ATP13A4: variants seen among roughly 807,000 people sequenced by gnomAD.
ATP13A4 encodes probable cation-transporting ATPase 13A4.
ATP13A4 carries 114 observed loss-of-function variants against 142.5 expected under a neutral mutation model. The ratio of observed to expected loss-of-function variants is 0.80; its 90% confidence interval spans 0.69 to 0.93. The LOEUF is 0.93. ATP13A4 is among the 40% of genes least tolerant of loss of function. ATP13A4 has a pLI of 0.00. For missense variants in ATP13A4, 1,392 were observed against 1,454.0 expected, an observed-to-expected ratio of 0.96 and a Z score of 0.69; for synonymous variants, 488 against 514.8, an observed-to-expected ratio of 0.95 and a Z score of 0.70.
chr3:193,475,090 T>C (rs909796859), intron 8 of ATP13A4, among the ~76,000 whole-genome samples: 2 of 152,082 alleles, frequency 1.3e-5, no homozygotes, highest in African/African-American at 4.8e-5. Context: ...ATTTTGGCAA[T>C]ATTTTTCTAG....
chr3:193,400,691 C>T lies in ATP13A4; in HGVS notation c.*1961G>A, dbSNP rs1214077338. Among the ~76,000 whole-genome samples the T allele has an allele frequency of 7.6e-6, 1 of 131,594 alleles. No individual in the cohort carries two copies. 86.3% of individuals were successfully genotyped at this position (131,594 alleles called of 152,430 possible). On this transcript the variant is annotated 3_prime_UTR_variant, in exon 30 of 30. Coordinates refer to ENST00000342695, the MANE Select transcript of ATP13A4 (RefSeq NM_032279.4). ...TCATCTGTATGGTGGAGATGATAAGCCCTTCCTTGTTCAGTCATGGGACAA... is the reference window on the plus strand; with the variant it reads ...TCATCTGTATGGTGGAGATGATAAGTCCTTCCTTGTTCAGTCATGGGACAA...
chr3:193,549,433 TAGAGAG>T (rs374646368), intron 1 of ATP13A4, among the ~76,000 whole-genome samples: 3,996 of 136,702 alleles, frequency 0.029, 58 homozygotes, highest in East Asian at 0.033. Context: ...TATATATATA[TAGAGAG>T]AGAGAGAGAG....
intron 18 of ATP13A4, among the ~76,000 whole-genome samples, chr3:193,447,184 A>G (rs1168011205): frequency 2.6e-5 from 4 of 152,208 alleles, no homozygotes; most frequent in Non-Finnish European, 5.9e-5. Flanking sequence ...AGAATGTGTC[A>G]TCTAAGTGCT....
At position 193,537,862 on chromosome 3, in the gene ATP13A4, C is replaced by G. The variant is rs145169740; in HGVS notation, c.60+16878G>C. ...AAAAGCCAGTGTTAAAGGTTACGTC[C>G]TATATAATTACATTCATGCAACATT... On this transcript the variant is annotated intron_variant, in intron 1 of 29. Coordinates refer to ENST00000342695, the MANE Select transcript of ATP13A4 (RefSeq NM_032279.4). Among the ~76,000 whole-genome samples the G allele has an allele frequency of 9.9e-5, 15 of 152,166 alleles. No homozygotes were observed. The East Asian group carries it at 2.5e-3, about 25-fold the overall frequency.
intron 1 of ATP13A4, among the ~76,000 whole-genome samples, chr3:193,586,725 C>T (rs554732038): frequency 2.0e-5 from 3 of 152,278 alleles, no homozygotes; most frequent in South Asian, 4.1e-4. Context: ...ATCTATTTGG[C>T]CTTATGCCAA....
intron 8 of ATP13A4, among the ~76,000 whole-genome samples, chr3:193,474,383 A>C (rs1358677739): frequency 5.3e-5 from 8 of 150,034 alleles, no homozygotes; most frequent in Non-Finnish European, 1.0e-4. Flanking sequence ...AGTAGACCCC[A>C]TCTGTACAAA....
chr3:193,439,128 A>C, intron 21 of ATP13A4, 63 bp from the exon 22 acceptor site: 1 of 1,490,750 alleles, frequency 6.7e-7, no homozygotes, highest in Non-Finnish European at 9.4e-7. Context: ...TCTCTAATTA[A>C]AAAAACAAAG....
At chr3:193,573,308 C>CTTATATATATATATATGTGTAT (rs1229145689) in intron 2 of ATP13A4, among the ~76,000 whole-genome samples, 1 of 103,674 alleles carries the variant, frequency 9.6e-6, no homozygotes, top group Non-Finnish European at 1.8e-5. Context: ...TATATATATA[C>CTTATATATATATATATGTGTAT]ATATATATAT....
chr3:193,446,246 T>G (rs1276087053), intron 18 of ATP13A4, among the ~76,000 whole-genome samples: 1 of 152,150 alleles, frequency 6.6e-6, no homozygotes, highest in Non-Finnish European at 1.5e-5. Context: ...ACAATGGAAC[T>G]ACCAGAAGTA....
rs377718701 is a variant in ATP13A4, at chr3:193,441,436, T to C, written c.2439+30A>G. 15 of 1,612,702 alleles carry C rather than the reference T, an allele frequency of 9.3e-6. No individual in the cohort carries two copies. The African/African-American group carries it at 9.3e-5, about 10-fold the overall frequency. On this transcript the variant is annotated intron_variant, in intron 20 of 29. Transcript: ENST00000342695. ...GTAAGTGACATCATCAGCATTTTCA[T>C]AGGGAGATTGTCACCCTCTTAGAAC...
At chr3:193,422,718 T>C (rs1715469204) in intron 25 of ATP13A4, among the ~76,000 whole-genome samples, 2 of 149,622 alleles carry the variant, frequency 1.3e-5, no homozygotes, top group Non-Finnish European at 3.0e-5. Flanking sequence ...ACCTTTGGGA[T>C]ACAGCAAAAG....
At chr3:193,452,439 G>C (rs564390325) in intron 17 of ATP13A4, among the ~76,000 whole-genome samples, 177 of 152,206 alleles carry the variant, frequency 1.2e-3, no homozygotes, top group African/African-American at 4.0e-3. Flanking sequence ...GGTCCAACAA[G>C]CCCAGGAAAC....
At chr3:193,406,291 T>C (rs1364696303) in intron 29 of ATP13A4, among the ~76,000 whole-genome samples, 1 of 152,192 alleles carries the variant, frequency 6.6e-6, no homozygotes, top group African/African-American at 2.4e-5. Context: ...TCACTCTGCA[T>C]AGGAGTAAGC....
At position 193,419,360 on chromosome 3, in the gene ATP13A4, G is replaced by C. The variant is rs569710480; in HGVS notation, c.2843-4610C>G. Reference sequence around the variant, plus strand: ...TGCCTCCTGAAGAAACAATGCCTTGGCAAAGTGGTCCAACTACCCCTCCCA... The same window carrying C: ...TGCCTCCTGAAGAAACAATGCCTTGCCAAAGTGGTCCAACTACCCCTCCCA... On this transcript the variant is annotated intron_variant, in intron 25 of 29. Transcript: ENST00000342695. 1.6e-3 allele frequency among the ~76,000 whole-genome samples: 236 copies of C among 150,310 alleles called. 13 individuals carry two copies. In the South Asian group the frequency reaches 0.018, roughly 11 times the overall value.
chr3:193,563,889 C>A (rs750232894), intron 2 of ATP13A4, among the ~76,000 whole-genome samples: 5 of 152,060 alleles, frequency 3.3e-5, no homozygotes, highest in East Asian at 1.9e-4. Context: ...TTGGGGCAAC[C>A]CCTGCTGTTC....
chr3:193,399,993 C>T lies in ATP13A4; in HGVS notation c.*2659G>A, dbSNP rs1714214492. Among the ~76,000 whole-genome samples the T allele has an allele frequency of 6.6e-6, 1 of 152,156 alleles. No individual in the cohort carries two copies. The highest frequency in any genetic ancestry group is 2.4e-5 in the African/African-American group (1 of 41,432). ...CTTGGCCCTTGAATAGCCACTTGTTCCTCCAATGTCCTAGAGTACATTCCA... is the reference window on the plus strand; with the variant it reads ...CTTGGCCCTTGAATAGCCACTTGTTTCTCCAATGTCCTAGAGTACATTCCA... On this transcript the variant is annotated 3_prime_UTR_variant, in exon 30 of 30. Coordinates refer to ENST00000342695, the MANE Select transcript of ATP13A4 (RefSeq NM_032279.4).
chr3:193,483,504 A>G (rs181026186), intron 8 of ATP13A4, among the ~76,000 whole-genome samples: 49 of 152,228 alleles, frequency 3.2e-4, no homozygotes, highest in African/African-American at 8.7e-4. Flanking sequence ...TCGCTCTGTC[A>G]CCCAGGCTGG....
At chr3:193,578,230 T>C (rs1330707221) in intron 2 of ATP13A4, among the ~76,000 whole-genome samples, 1 of 151,984 alleles carries the variant, frequency 6.6e-6, no homozygotes, top group African/African-American at 2.4e-5. Flanking sequence ...GAGACGGAGG[T>C]TGCAGTGAGC....
intron 9 of ATP13A4, among the ~76,000 whole-genome samples, chr3:193,470,637 T>C (rs187100011): frequency 3.3e-5 from 5 of 152,328 alleles, no homozygotes; most frequent in Admixed American, 2.6e-4. Context: ...CAAAAACTTA[T>C]TATTGTATCA....
Sources: gnomAD v4.1 joint callset for allele counts (sites outside exome capture counted in the v4.1 genomes callset) on GRCh38, gnomAD v4.1.1 for gene constraint, MANE v1.5 for transcripts, NCBI Gene and HGNC (gene_info 2026-07-23, HGNC 2026-07-21) for gene names.